Variants in MGA observed in about 807,000 individuals in gnomAD.
The protein encoded by MGA is MAX gene-associated protein.
MGA carries 40 observed loss-of-function variants against 261.1 expected under a neutral mutation model. The observed-to-expected ratio is 0.15, with a 90% CI of 0.12 to 0.20. MGA has a LOEUF of 0.20. MGA is among the 10% of genes least tolerant of loss of function. The probability of loss-of-function intolerance (pLI) is 1.00; values close to 1 mark genes in which losing one functional copy is unlikely to be tolerated. For synonymous variants in MGA, 1,302 were observed against 1,290.6 expected (o/e 1.01, Z -0.19); for missense variants, 3,397 against 3,630.5 (o/e 0.94, Z 1.65).
intron 3 of MGA, among the ~76,000 whole-genome samples, chr15:41,698,590 G>A (rs1253891015): frequency 5.9e-5 from 9 of 152,096 alleles, no homozygotes; most frequent in African/African-American, 9.7e-5. Context: ...GCAAATTGGC[G>A]TATACTTTGA....
chr15:41,758,762 A>G (rs904535883), intron 19 of MGA, among the ~76,000 whole-genome samples: 11 of 152,270 alleles, frequency 7.2e-5, no homozygotes, highest in Admixed American at 2.6e-4. Flanking sequence ...TTAGAAAGGC[A>G]GTGGCTTTTA....
chr15:41,763,614 A>T (rs1459028682), intron 22 of MGA, among the ~76,000 whole-genome samples: 1 of 151,950 alleles, frequency 6.6e-6, no homozygotes, highest in Non-Finnish European at 1.5e-5. Context: ...GTGGTGGCTC[A>T]TGCCTGTAAT....
chr15:41,736,002 T>C (rs1464854551), intron 12 of MGA, among the ~76,000 whole-genome samples, 179 bp from the exon 13 acceptor site: 1 of 152,244 alleles, frequency 6.6e-6, no homozygotes, highest in East Asian at 1.9e-4. Flanking sequence ...TATTGTAGTC[T>C]TATTCTCTGG....
At chr15:41,748,952 TTTC>T (rs773946097) in intron 16 of MGA, 25 bp downstream of exon 16, 1 of 1,605,258 alleles carries the variant, frequency 6.2e-7, no homozygotes, top group Non-Finnish European at 8.5e-7. Context: ...TTTATGAACT[TTTC>T]TTTTGTTGAA....
At chr15:41,702,253 G>A (rs2151379056) in intron 5 of MGA, among the ~76,000 whole-genome samples, 1 of 151,848 alleles carries the variant, frequency 6.6e-6, no homozygotes, top group South Asian at 2.1e-4. Context: ...AACCCGGGAG[G>A]CGGAGCTTGC....
chr15:41,674,190 AATT>A (rs983396544), intron 2 of MGA, among the ~76,000 whole-genome samples: 3 of 151,186 alleles, frequency 2.0e-5, no homozygotes, highest in Admixed American at 2.0e-4. Flanking sequence ...ACATCTGACC[AATT>A]ATTATTTTTT....
intron 2 of MGA, among the ~76,000 whole-genome samples, chr15:41,680,399 C>G (rs774575879): frequency 2.7e-5 from 4 of 150,876 alleles, no homozygotes; most frequent in Non-Finnish European, 5.9e-5. Context: ...CTGTTTTAAC[C>G]CCCCCTGATG....
intron 18 of MGA, among the ~76,000 whole-genome samples, chr15:41,757,316 A>G (rs1188759194): frequency 4.6e-5 from 7 of 152,172 alleles, no homozygotes; most frequent in East Asian, 1.9e-4. Context: ...ACATGTATAG[A>G]CTTTATTTTC....
intron 22 of MGA, among the ~76,000 whole-genome samples, chr15:41,762,804 G>C (rs1243305237): frequency 6.6e-6 from 1 of 151,852 alleles, no homozygotes; most frequent in East Asian, 1.9e-4. Context: ...ATTAAAGATG[G>C]GTTGTATAAA....
At chr15:41,686,101 T>G (rs1309227347) in intron 2 of MGA, among the ~76,000 whole-genome samples, 1 of 152,178 alleles carries the variant, frequency 6.6e-6, no homozygotes, top group East Asian at 1.9e-4. Context: ...CTTTAGAAAT[T>G]TTCTACATGT....
Position 41,727,418 on chromosome 15 carries a change from A to G in MGA, c.3657+12A>G. 3 of 1,601,252 alleles carry G rather than the reference A, an allele frequency of 1.9e-6. No homozygotes were observed. The highest frequency in any genetic ancestry group is 1.7e-6 in the Non-Finnish European group (2 of 1,171,910). On this transcript the variant is annotated intron_variant, in intron 10 of 23. Transcript: ENST00000219905. ...AACCCAATCCTGTGGTAAGTCTGGA[A>G]TTTAATCTTTTATTACAAGTTACCA...
intron 2 of MGA, chr15:41,684,759 C>T (rs1433913369): frequency 6.1e-6 from 1 of 163,086 alleles, no homozygotes; most frequent in African/African-American, 2.4e-5. Flanking sequence ...AAGCATTAAT[C>T]TTAAATTACT....
Position 41,703,368 on chromosome 15 carries a change from AC to A in MGA, c.2188+4220del, listed in dbSNP as rs71108121. On this transcript the variant is annotated intron_variant, in intron 5 of 23. Coordinates refer to ENST00000219905, the MANE Select transcript of MGA (RefSeq NM_001164273.2). ...TTGTCAGTTTATTCATTGTGAAGTT[AC>A]CCCCCCCCCCACTCCCCACCCTCCC... Among the ~76,000 whole-genome samples, 201 of 93,264 alleles carry A rather than the reference AC, an allele frequency of 2.2e-3. 6 individuals are homozygous for A. The highest frequency in any genetic ancestry group is 6.1e-3 in the African/African-American group (153 of 24,990). The allele number at this position is 93,264 out of a possible 152,430, so 61.2% of individuals were successfully genotyped here. A position where few individuals can be genotyped will look rare whatever the true frequency, so the allele number is the denominator to read the frequency against.
At position 41,742,887 on chromosome 15, in the gene MGA, A is replaced by G. The variant is rs774672714; in HGVS notation, c.4927A>G (p.Thr1643Ala). ...TACAGGGGTTGTTGAGGTCTCTGAA[A>G]CTAATACCAGCACCTCTGTAACATC... is the stretch of plus-strand genomic sequence containing the variant. Residue 1643 changes from threonine (T) to alanine (A), a missense_variant, in exon 15 of 24, where the codon ACT becomes GCT. Around this residue, in one of 9 missense-constraint regions of MGA, gnomAD observed 1,410 missense variants for 1,386.4 expected, o/e 1.02. Transcript: ENST00000219905. 1 of 1,614,000 alleles carries G rather than the reference A, an allele frequency of 6.2e-7. No individual in the cohort carries two copies. Among genetic ancestry groups the G allele is most frequent in the South Asian group, 1.1e-5 (1 of 91,082 alleles).
chr15:41,654,804 G>A (rs1007243319), intron 1 of MGA, among the ~76,000 whole-genome samples: 1 of 152,086 alleles, frequency 6.6e-6, no homozygotes, highest in African/African-American at 2.4e-5. Context: ...CCGAGCCACT[G>A]TGCCTGACTG....
At chr15:41,639,525 T>A (rs2056779798) in intron 1 of MGA, among the ~76,000 whole-genome samples, 1 of 150,358 alleles carries the variant, frequency 6.7e-6, no homozygotes, top group African/African-American at 2.4e-5. Context: ...TTTTTTTTTT[T>A]TAAATTAATT....
intron 19 of MGA, among the ~76,000 whole-genome samples, chr15:41,759,725 G>A: frequency 6.6e-6 from 1 of 152,158 alleles, no homozygotes; most frequent in East Asian, 1.9e-4. Context: ...TGCAGAGTTT[G>A]AGTTTTAAGT....
chr15:41,736,959 A>G (rs1029801288), intron 13 of MGA, among the ~76,000 whole-genome samples: 9 of 152,196 alleles, frequency 5.9e-5, no homozygotes, highest in Non-Finnish European at 1.3e-4. Context: ...GTTGCTCTTC[A>G]TAAACTTTAT....
At chr15:41,671,624 C>T (rs568864999) in intron 2 of MGA, among the ~76,000 whole-genome samples, 1 of 152,268 alleles carries the variant, frequency 6.6e-6, no homozygotes, top group African/African-American at 2.4e-5. Context: ...CCACCGCGCC[C>T]GGCCTGAACT....
Sources: allele counts gnomAD v4.1 joint callset (sites outside exome capture counted in the v4.1 genomes callset), GRCh38; gene constraint gnomAD v4.1.1; regional missense constraint gnomAD v4.1.1; transcripts MANE v1.5; gene names NCBI Gene and HGNC (gene_info 2026-07-23, HGNC 2026-07-21).